Variants in SORCS1 observed in about 807,000 individuals in gnomAD.
The protein encoded by SORCS1 is VPS10 domain-containing receptor SorCS1.
A neutral mutation model predicts 146.1 loss-of-function variants in SORCS1; 60 were observed. That is an observed-to-expected ratio of 0.41 (90% CI 0.33 to 0.51). The LOEUF (loss-of-function observed/expected upper bound fraction) is 0.51, where lower values mean the gene tolerates loss of function less well. Among genes scored for constraint, SORCS1 ranks in the 20% least tolerant of loss-of-function variants. The pLI, the probability that SORCS1 is intolerant of heterozygous loss-of-function variation, is 0.21. For synonymous variants in SORCS1, 637 were observed against 584.0 expected, an observed-to-expected ratio of 1.09 and a Z score of -1.31; for missense variants, 1,352 against 1,487.6, an observed-to-expected ratio of 0.91 and a Z score of 1.50.
chr10:106,702,118 T>C (rs1854179532), intron 8 of SORCS1, among the ~76,000 whole-genome samples: 2 of 152,318 alleles, frequency 1.3e-5, no homozygotes, highest in South Asian at 4.2e-4. Flanking sequence ...ACCCAAGTGT[T>C]TGGTTTCTTT....
chr10:107,083,853 C>T (rs1358555988), intron 1 of SORCS1, among the ~76,000 whole-genome samples: 3 of 152,212 alleles, frequency 2.0e-5, no homozygotes, highest in Admixed American at 6.5e-5. Context: ...TGGGGTTATA[C>T]GAAGGGTTTG....
chr10:107,110,989 G>A (rs1023969618), intron 1 of SORCS1, among the ~76,000 whole-genome samples: 6 of 152,060 alleles, frequency 3.9e-5, no homozygotes, highest in East Asian at 1.9e-4. Flanking sequence ...GGGTCCCCTC[G>A]TGGACTCATG....
At chr10:106,694,224 T>G (rs970485297) in intron 9 of SORCS1, among the ~76,000 whole-genome samples, 5 of 152,172 alleles carry the variant, frequency 3.3e-5, no homozygotes, top group African/African-American at 1.2e-4. Context: ...AGCACTCTCC[T>G]CCTCTAGAGA....
intron 2 of SORCS1, among the ~76,000 whole-genome samples, chr10:106,896,183 C>T (rs1289914524): frequency 2.0e-5 from 3 of 152,080 alleles, no homozygotes; most frequent in African/African-American, 7.2e-5. Context: ...ATTCCTAGCA[C>T]TTTGGGAGGC....
At chr10:106,937,822 G>C (rs1009280476) in intron 2 of SORCS1, among the ~76,000 whole-genome samples, 14 of 151,988 alleles carry the variant, frequency 9.2e-5, no homozygotes, top group Non-Finnish European at 1.8e-4. Flanking sequence ...AAATTAGCCG[G>C]ACATGGTGGC....
At chr10:106,802,400 C>T (rs990836590) in intron 3 of SORCS1, among the ~76,000 whole-genome samples, 8 of 152,030 alleles carry the variant, frequency 5.3e-5, no homozygotes, top group South Asian at 2.1e-4. Context: ...GACACGATCA[C>T]AGCTCACTGC....
At chr10:107,133,230 G>A (rs12763639) in intron 1 of SORCS1, among the ~76,000 whole-genome samples, 46,204 of 152,080 alleles carry the variant, frequency 0.3, 8,546 homozygotes, top group Middle Eastern at 0.43. Flanking sequence ...CACTGTGAAC[G>A]AAGGTTGTCT....
chr10:106,861,788 C>G (rs1176856310), intron 2 of SORCS1, among the ~76,000 whole-genome samples: 1 of 152,082 alleles, frequency 6.6e-6, no homozygotes, highest in African/African-American at 2.4e-5. Context: ...ACTCGGGAGG[C>G]TGAGGCAGGA....
intron 3 of SORCS1, among the ~76,000 whole-genome samples, chr10:106,793,436 A>G (rs1243428474): frequency 6.6e-5 from 10 of 152,332 alleles, no homozygotes; most frequent in African/African-American, 2.4e-4. Context: ...GATTTTGACT[A>G]AAGCAACAGA....
chr10:106,671,088 G>C (rs1851561978), intron 16 of SORCS1, 149 bp downstream of exon 16: 8 of 1,007,132 alleles, frequency 7.9e-6, no homozygotes, highest in Non-Finnish European at 1.0e-5. Flanking sequence ...CATACACATA[G>C]CTAGTAAACT....
intron 3 of SORCS1, among the ~76,000 whole-genome samples, chr10:106,803,358 T>G (rs17121613): frequency 0.12 from 18,720 of 152,210 alleles, 1,245 homozygotes; most frequent in East Asian, 0.26. Flanking sequence ...ATGGAAAACA[T>G]ACCAGGGCAC....
intron 1 of SORCS1, among the ~76,000 whole-genome samples, chr10:107,010,366 C>T (rs1226024592): frequency 6.6e-6 from 1 of 152,160 alleles, no homozygotes; most frequent in Non-Finnish European, 1.5e-5. Context: ...AAAGAAAATC[C>T]CAGCCATGCT....
intron 3 of SORCS1, among the ~76,000 whole-genome samples, chr10:106,806,384 AAAAATAAAATAAAATAAAAT>A (rs201338721): frequency 1.1e-4 from 15 of 139,720 alleles, no homozygotes; most frequent in South Asian, 6.9e-4. Context: ...AAAATAAAAT[AAAAATAAAATAAAATAAAAT>A]AAAATAAAAT....
Position 106,957,165 on chromosome 10 carries a change from G to GTTTTTTTTTTTTTTTT in SORCS1, c.559-586_559-585insAAAAAAAAAAAAAAAA, listed in dbSNP as rs374081494. On this transcript the variant is annotated intron_variant, in intron 1 of 25. Coordinates refer to ENST00000263054, the MANE Select transcript of SORCS1 (RefSeq NM_052918.5). ...ATCTATTAGCATGTGGTTTTTTTTT[G>GTTTTTTTTTTTTTTTT]TTTTTTTTGTTTTTTTTTTTGGAGA... Among the ~76,000 whole-genome samples, 37 of 137,932 alleles carry GTTTTTTTTTTTTTTTT rather than the reference G, an allele frequency of 2.7e-4. 1 individual carries two copies. Among genetic ancestry groups the GTTTTTTTTTTTTTTTT allele is most frequent in the Non-Finnish European group, 3.8e-4 (25 of 65,564 alleles). 90.5% of individuals were successfully genotyped at this position (137,932 alleles called of 152,430 possible). A position where few individuals can be genotyped will look rare whatever the true frequency, so the allele number is the denominator to read the frequency against.
chr10:106,708,973 AC>A (rs775167290), intron 7 of SORCS1, among the ~76,000 whole-genome samples: 2 of 152,028 alleles, frequency 1.3e-5, no homozygotes, highest in African/African-American at 2.4e-5. Flanking sequence ...TGCCTTCATG[AC>A]CCCATGTTGA....
intron 25 of SORCS1, chr10:106,578,523 G>A (rs1214236762): frequency 3.0e-6 from 1 of 331,810 alleles, no homozygotes; most frequent in Admixed American, 6.2e-5. Context: ...CTCAATCTTA[G>A]GTTCCAAATC....
At chr10:106,672,827 G>A in intron 15 of SORCS1, 41 bp downstream of exon 15, 1 of 1,557,378 alleles carries the variant, frequency 6.4e-7, no homozygotes, top group Non-Finnish European at 8.9e-7. Flanking sequence ...CACCACTCAT[G>A]CTTCCTGCCC....
chr10:106,760,694 A>AAC (rs998385733), intron 5 of SORCS1, among the ~76,000 whole-genome samples: 3 of 134,610 alleles, frequency 2.2e-5, no homozygotes, highest in African/African-American at 6.0e-5. Flanking sequence ...CATACACACA[A>AAC]ACACACACAC....
intron 6 of SORCS1, among the ~76,000 whole-genome samples, chr10:106,722,942 G>C (rs1341015308): frequency 1.3e-5 from 2 of 152,154 alleles, no homozygotes; most frequent in Admixed American, 6.6e-5. Context: ...TCATCTGTTA[G>C]TGCTCCAGGA....
Sources: allele counts gnomAD v4.1 joint callset (sites outside exome capture counted in the v4.1 genomes callset), GRCh38; gene constraint gnomAD v4.1.1; transcripts MANE v1.5; gene names NCBI Gene and HGNC (gene_info 2026-07-23, HGNC 2026-07-21).